The following ANAPC2 variants were observed in gnomAD, a reference collection of about 807,000 sequenced individuals.
ANAPC2 encodes the protein anaphase promoting complex subunit 2, also known as anaphase-promoting complex subunit 2.
In ANAPC2, 29 loss-of-function variants were observed where a neutral mutation model predicts 84.3. The ratio of observed to expected loss-of-function variants is 0.34; its 90% CI spans 0.26 to 0.47. The LOEUF (loss-of-function observed/expected upper bound fraction) is 0.47, where lower values mean the gene tolerates loss of function less well. Among genes scored for constraint, ANAPC2 ranks in the 20% least tolerant of loss-of-function variants. The pLI is 1.00. For missense variants in ANAPC2, 857 were observed against 1,131.7 expected (o/e 0.76, Z 3.48); for synonymous variants, 571 against 479.4 (o/e 1.19, Z -2.50).
chr9:137,181,874 A>ACAC lies in ANAPC2; in HGVS notation c.1287-13_1287-12insGTG, dbSNP rs760638299. On this transcript the variant is annotated splice_polypyrimidine_tract_variant and intron_variant, in intron 6 of 12. Transcript: ENST00000323927. ...TGTCCTCCCGCGTCCTGCCGATGTGAGTGCTGCTGTGGCCCACAGTGTGGA... is the reference window on the plus strand; with the variant it reads ...TGTCCTCCCGCGTCCTGCCGATGTGACACGTGCTGCTGTGGCCCACAGTGTGGA... The ACAC allele has an allele frequency of 5.0e-6, 8 of 1,596,634 alleles. No individual in the cohort carries two copies. Among genetic ancestry groups the ACAC allele is most frequent in the Non-Finnish European group, 6.8e-6 (8 of 1,176,140 alleles).
Position 137,180,790 on chromosome 9 carries a change from C to G in ANAPC2, c.1608G>C (p.Glu536Asp), listed in dbSNP as rs1387182491. 1 of 1,610,644 alleles carries G rather than the reference C, an allele frequency of 6.2e-7. No individual in the cohort carries two copies. The highest frequency in any genetic ancestry group is 1.3e-5 in the African/African-American group (1 of 74,946). Reference protein sequence around the residue: ...RLLHQFSFSPEREIRNVELLK... With the variant: ...RLLHQFSFSPDREIRNVELLK... ...GGCCAGCGCGTCACAGGCCTCACCG[C>G]TCGGGGCTGAAGCTGAACTGGTGCA... The change falls in exon 8 of 13, where the codon GAG becomes GAC. Residue 536 changes from glutamate (E) to aspartate (D), a missense_variant and splice_region_variant. Around this residue, in one of 3 missense-constraint regions of ANAPC2, gnomAD observed 425 missense variants for 595.5 expected, o/e 0.71. Coordinates refer to ENST00000323927, the MANE Select transcript of ANAPC2 (RefSeq NM_013366.4).
chr9:137,184,968 G>A lies in ANAPC2; in HGVS notation c.993C>T (p.Phe331=). The change falls in exon 4 of 13, where the codon TTC becomes TTT. Residue 331 remains phenylalanine, a synonymous_variant. Transcript: ENST00000323927. ...GCAGGCTGGCGTAGATGCGGTAGAA[G>A]AACCTTTGCACGTGGCAGCGCCAGC... ...LRRWRCHVQR[F]FYRIYASLRI... 1 of 1,612,576 alleles carries A rather than the reference G, an allele frequency of 6.2e-7. No homozygotes were observed. The highest frequency in any genetic ancestry group is 8.5e-7 in the Non-Finnish European group (1 of 1,179,680).
Position 137,181,771 on chromosome 9 carries a change from C to T in ANAPC2, c.1378G>A (p.Asp460Asn), listed in dbSNP as rs373578381. 2.9e-4 allele frequency: 463 copies of T among 1,610,810 alleles called. No homozygotes were observed. Among genetic ancestry groups the T allele is most frequent in the Non-Finnish European group, 3.4e-4 (398 of 1,179,936 alleles). ...GDLAVELSKT[D>N]PASLETGQDS... The stretch of plus-strand genomic sequence containing the variant: ...TGGCCTGTCTCCAGGCTCGCCGGGT[C>T]GGTCTTGGACAGCTCAACAGCCAGG... The change falls in exon 7 of 13, where the codon GAC (aspartate) becomes AAC (asparagine). Residue 460 changes from aspartate (D) to asparagine (N), a missense_variant. Physicochemically the swap from Asp to Asn is conservative, Grantham distance 23. This residue lies in a region of ANAPC2 where 425 missense variants were observed against 595.5 expected (regional missense o/e 0.71). Coordinates refer to ENST00000323927, the MANE Select transcript of ANAPC2 (RefSeq NM_013366.4).
intron 4 of ANAPC2, among the ~76,000 whole-genome samples, chr9:137,184,221 G>A (rs971599122): frequency 1.3e-5 from 2 of 151,888 alleles, no homozygotes; most frequent in Non-Finnish European, 2.9e-5. Context: ...ACACAGAGCC[G>A]ACATGGCGAA....
intron 10 of ANAPC2, among the ~76,000 whole-genome samples, chr9:137,177,300 G>T (rs1418650312): frequency 8.1e-6 from 1 of 123,880 alleles, no homozygotes; most frequent in Non-Finnish European, 1.8e-5. Flanking sequence ...CGGCTGCTGG[G>T]TTTGGACTCG....
At chr9:137,183,320 C>T (rs1564377795) in intron 5 of ANAPC2, 78 bp from the exon 6 acceptor site, 6 of 1,228,852 alleles carry the variant, frequency 4.9e-6, no homozygotes, top group Middle Eastern at 3.9e-4. Flanking sequence ...GAGTAGACAG[C>T]TGGCCATGCC....
chr9:137,177,120 G>A (rs973162980), intron 10 of ANAPC2: 5 of 152,314 alleles, frequency 3.3e-5, no homozygotes, highest in Admixed American at 1.3e-4. Context: ...TGAAGGCTTC[G>A]GCACTGGTGA....
rs182278274 is a variant in ANAPC2 at position 137,186,203 on chromosome 9, G to A, written c.873+21C>T. The A allele has an allele frequency of 2.1e-5, 34 of 1,611,096 alleles. No homozygotes were observed. The African/African-American group carries it at 3.9e-4, about 18-fold the overall frequency. ...ACTCCCCTGTCTCCAGCGGGGCACA[G>A]CCCAAGGGAGGGGTCCTCACCTTGT... On this transcript the variant is annotated intron_variant, in intron 3 of 12. Transcript: ENST00000323927.
intron 2 of ANAPC2, chr9:137,187,259 C>T: frequency 1.6e-6 from 1 of 616,548 alleles, no homozygotes; most frequent in Admixed American, 3.1e-5. Flanking sequence ...CACATAGGGC[C>T]TTACCAGGGT....
intron 7 of ANAPC2, among the ~76,000 whole-genome samples, chr9:137,181,182 G>A (rs890572194): frequency 2.6e-5 from 4 of 152,232 alleles, no homozygotes; most frequent in African/African-American, 9.6e-5. Context: ...CAAGCCAAAG[G>A]TCCTGGGGTT....
chr9:137,177,224 C>T (rs939362998), intron 10 of ANAPC2, among the ~76,000 whole-genome samples: 3 of 152,200 alleles, frequency 2.0e-5, no homozygotes, highest in Non-Finnish European at 4.4e-5. Context: ...GCAGAGCCGC[C>T]GAGGCCAAGG....
chr9:137,181,026 C>A, intron 7 of ANAPC2, 97 bp from the exon 8 acceptor site: 1 of 1,494,062 alleles, frequency 6.7e-7, no homozygotes, highest in Non-Finnish European at 9.1e-7. Flanking sequence ...CACAGCCCAG[C>A]ATGGCTCTTC....
chr9:137,183,510 C>T, intron 5 of ANAPC2, 162 bp downstream of exon 5: 1 of 1,115,520 alleles, frequency 9.0e-7, no homozygotes, highest in Non-Finnish European at 1.2e-6. Context: ...AGCTGACGGG[C>T]ACCTCAGATC....
At chr9:137,180,992 C>T in intron 7 of ANAPC2, 63 bp from the exon 8 acceptor site, 2 of 1,582,288 alleles carry the variant, frequency 1.3e-6, no homozygotes, top group Non-Finnish European at 8.6e-7. Context: ...GGCCGCCCTC[C>T]TCCCATCCCG....
At chr9:137,179,804 C>T (rs1374325768) in intron 10 of ANAPC2, among the ~76,000 whole-genome samples, 1 of 152,212 alleles carries the variant, frequency 6.6e-6, no homozygotes, top group African/African-American at 2.4e-5. Flanking sequence ...CCTGCAGTGA[C>T]GCAAGGCACC....
chr9:137,179,811 C>T (rs1185264000), intron 10 of ANAPC2, among the ~76,000 whole-genome samples: 1 of 152,206 alleles, frequency 6.6e-6, no homozygotes, highest in African/African-American at 2.4e-5. Context: ...TGACGCAAGG[C>T]ACCCCAAGCC....
At position 137,180,350 on chromosome 9, in the gene ANAPC2, A is replaced by G; in HGVS notation, c.1721T>C (p.Ile574Thr). ...TGGCCGCTTCTCATCCTCCTCCCGG[A>G]TGTTGGCATTGATGCGGCGGGAGTC... The part of the protein sequence containing the change: ...MADSRRINAN[I>T]REEDEKRPAE... Residue 574 changes from isoleucine to threonine, a missense_variant, in exon 10 of 13, where the codon ATC becomes ACC. Physicochemically the swap from Ile to Thr is moderately conservative, Grantham distance 89 (BLOSUM62 -1). This residue lies in a region of ANAPC2 where 425 missense variants were observed against 595.5 expected (regional missense o/e 0.71). Coordinates refer to ENST00000323927, the MANE Select transcript of ANAPC2 (RefSeq NM_013366.4). 1 of 1,613,068 alleles carries G rather than the reference A, an allele frequency of 6.2e-7. No homozygotes were observed. Among genetic ancestry groups the G allele is most frequent in the Non-Finnish European group, 8.5e-7 (1 of 1,179,918 alleles).
chr9:137,183,817 G>A (rs1834393390), intron 4 of ANAPC2, 26 bp from the exon 5 acceptor site: 6 of 1,611,468 alleles, frequency 3.7e-6, no homozygotes, highest in South Asian at 1.1e-5. Context: ...CATCCCTCAG[G>A]GACAGACATG....
At chr9:137,183,618 C>T (rs1156784402) in intron 5 of ANAPC2, 54 bp downstream of exon 5, 1 of 1,576,204 alleles carries the variant, frequency 6.3e-7, no homozygotes, top group African/African-American at 1.3e-5. Context: ...GGACATGGGT[C>T]CCCTGGTGAG....
Sources: gnomAD v4.1 joint callset for allele counts (sites outside exome capture counted in the v4.1 genomes callset) on GRCh38, gnomAD v4.1.1 for gene constraint, gnomAD v4.1.1 regional missense constraint, MANE v1.5 for transcripts, NCBI Gene and HGNC (gene_info 2026-07-23, HGNC 2026-07-21) for gene names.